The following ASIC2 variants were observed in gnomAD, a reference collection of about 807,000 sequenced individuals.
ASIC2 encodes acid sensing ion channel subunit 2.
ASIC2 carries 25 observed loss-of-function variants against 57.3 expected under a neutral mutation model. The observed-to-expected ratio is 0.44, with a 90% CI of 0.32 to 0.61. The LOEUF is 0.61. ASIC2 is among the 20% of genes least tolerant of loss of function. The pLI, the probability that ASIC2 is intolerant of heterozygous loss-of-function variation, is 0.06. For missense variants in ASIC2, 641 were observed against 738.1 expected, an observed-to-expected ratio of 0.87 and a Z score of 1.52; for synonymous variants, 319 against 307.5, an observed-to-expected ratio of 1.04 and a Z score of -0.39.
chr17:33,422,449 G>T (rs190382531), intron 1 of ASIC2, among the ~76,000 whole-genome samples: 3 of 152,180 alleles, frequency 2.0e-5, no homozygotes, highest in Non-Finnish European at 2.9e-5. Flanking sequence ...TCCTCAAACC[G>T]TTTTTAGCTG....
chr17:34,065,488 T>C (rs908156800), intron 1 of ASIC2, among the ~76,000 whole-genome samples: 1 of 152,196 alleles, frequency 6.6e-6, no homozygotes, highest in East Asian at 1.9e-4. Context: ...ATACCACCTG[T>C]ACCCCAATAA....
intron 1 of ASIC2, among the ~76,000 whole-genome samples, chr17:33,983,075 T>C (rs1008117885): frequency 6.6e-6 from 1 of 152,192 alleles, no homozygotes; most frequent in African/African-American, 2.4e-5. Flanking sequence ...GCTGTGAGTG[T>C]GTGTGTACCC....
chr17:33,568,724 T>C (rs1018114472), intron 1 of ASIC2, among the ~76,000 whole-genome samples: 1 of 152,206 alleles, frequency 6.6e-6, no homozygotes, highest in African/African-American at 2.4e-5. Flanking sequence ...ATAGATAATA[T>C]TCTTTTTGAG....
chr17:33,968,366 C>G (rs930137084), intron 1 of ASIC2, among the ~76,000 whole-genome samples: 2 of 152,188 alleles, frequency 1.3e-5, no homozygotes, highest in African/African-American at 4.8e-5. Flanking sequence ...ATAAAGCCCG[C>G]CTGCAACTGT....
intron 1 of ASIC2, among the ~76,000 whole-genome samples, chr17:33,950,492 C>T (rs1367714393): frequency 6.6e-6 from 1 of 152,192 alleles, no homozygotes; most frequent in Non-Finnish European, 1.5e-5. Flanking sequence ...TATAAAAAAC[C>T]CAAACGACGG....
intron 1 of ASIC2, among the ~76,000 whole-genome samples, chr17:33,808,819 TAGTC>T (rs1912339435): frequency 6.6e-6 from 1 of 152,180 alleles, no homozygotes; most frequent in African/African-American, 2.4e-5. Flanking sequence ...ACATGACAAA[TAGTC>T]AGTATTAGGG....
At chr17:33,160,214 A>AGAAAAGAAAAG (rs1555575612) in intron 1 of ASIC2, among the ~76,000 whole-genome samples, 4 of 93,514 alleles carry the variant, frequency 4.3e-5, no homozygotes, top group Admixed American at 9.6e-5. Flanking sequence ...GTTAAAAAAA[A>AGAAAAGAAAAG]AAAAGAAAAG....
At chr17:33,901,793 T>G (rs1299668194) in intron 1 of ASIC2, among the ~76,000 whole-genome samples, 4 of 152,162 alleles carry the variant, frequency 2.6e-5, no homozygotes, top group African/African-American at 9.7e-5. Context: ...TTTCCAAAAT[T>G]GTCTTGGAAG....
intron 1 of ASIC2, among the ~76,000 whole-genome samples, chr17:33,414,780 C>A (rs923376324): frequency 6.6e-6 from 1 of 152,116 alleles, no homozygotes; most frequent in Non-Finnish European, 1.5e-5. Flanking sequence ...ACATTAGGCC[C>A]CACTCTGCTC....
At chr17:33,990,117 T>G (rs1905954574) in intron 1 of ASIC2, among the ~76,000 whole-genome samples, 1 of 152,182 alleles carries the variant, frequency 6.6e-6, no homozygotes, top group Non-Finnish European at 1.5e-5. Flanking sequence ...TTTGATCTGA[T>G]GTATGTTGAG....
chr17:33,855,461 A>G (rs1211626198), intron 1 of ASIC2, among the ~76,000 whole-genome samples: 1 of 152,252 alleles, frequency 6.6e-6, no homozygotes, highest in Non-Finnish European at 1.5e-5. Context: ...GGTTGTTTTT[A>G]GGATGAAATT....
At chr17:33,263,249 C>G (rs1291482933) in intron 1 of ASIC2, among the ~76,000 whole-genome samples, 1 of 152,164 alleles carries the variant, frequency 6.6e-6, no homozygotes, top group Non-Finnish European at 1.5e-5. Flanking sequence ...CATGATTCAC[C>G]CGCTGTCTCT....
chr17:33,457,491 A>G (rs1912489746), intron 1 of ASIC2, among the ~76,000 whole-genome samples: 1 of 152,234 alleles, frequency 6.6e-6, no homozygotes, highest in Admixed American at 6.5e-5. Context: ...CCAATTGAAC[A>G]ACTGCTTCAA....
intron 1 of ASIC2, among the ~76,000 whole-genome samples, chr17:33,490,868 T>C (rs1412049743): frequency 6.6e-6 from 1 of 152,208 alleles, no homozygotes; most frequent in African/African-American, 2.4e-5. Flanking sequence ...CCGGGGATAA[T>C]CAAAATTCTG....
chr17:34,134,582 G>C (rs775137803), intron 1 of ASIC2, among the ~76,000 whole-genome samples: 27 of 152,228 alleles, frequency 1.8e-4, no homozygotes, highest in Non-Finnish European at 3.1e-4. Context: ...ACAAGTGCCA[G>C]AGAAACCTAG....
intron 1 of ASIC2, among the ~76,000 whole-genome samples, chr17:33,716,765 T>C (rs1026324009): frequency 3.3e-5 from 5 of 152,224 alleles, no homozygotes; most frequent in Admixed American, 6.5e-5. Context: ...AGAATGATTA[T>C]CTATATGTCT....
At chr17:33,187,980 A>T (rs144175577) in intron 1 of ASIC2, among the ~76,000 whole-genome samples, 1 of 152,030 alleles carries the variant, frequency 6.6e-6, no homozygotes, top group African/African-American at 2.4e-5. Flanking sequence ...TGAGGGAAAA[A>T]AATCAATCCA....
At chr17:33,054,318 C>A (rs1248855908) in intron 3 of ASIC2, among the ~76,000 whole-genome samples, 1 of 152,176 alleles carries the variant, frequency 6.6e-6, no homozygotes, top group African/African-American at 2.4e-5. Flanking sequence ...AATGACTAGA[C>A]TTCTGGACTC....
chr17:33,987,278 C>T (rs1460455651), intron 1 of ASIC2, among the ~76,000 whole-genome samples: 2 of 152,168 alleles, frequency 1.3e-5, no homozygotes, highest in African/African-American at 2.4e-5. Flanking sequence ...CCAAATCCAG[C>T]TCCTTCTTCC....
Sources: allele counts gnomAD v4.1 joint callset (sites outside exome capture counted in the v4.1 genomes callset), GRCh38; gene constraint gnomAD v4.1.1; transcripts MANE v1.5; gene names NCBI Gene and HGNC (gene_info 2026-07-23, HGNC 2026-07-21).